The following DIP2C variants were observed in gnomAD, a reference collection of about 807,000 sequenced individuals.
DIP2C encodes the protein DIP2 acetate--CoA ligase C (putative), also known as disco-interacting protein 2 homolog C.
Under a neutral mutation model 192.4 loss-of-function variants are expected in DIP2C, and 33 were observed. The ratio of observed to expected loss-of-function variants is 0.17; its 90% CI spans 0.13 to 0.23. The LOEUF is 0.23. DIP2C is among the 10% of genes least tolerant of loss of function. The pLI is 1.00. For synonymous variants in DIP2C, 979 were observed against 864.1 expected (o/e 1.13, Z -2.33); for missense variants, 1,537 against 2,110.1 (o/e 0.73, Z 5.32).
intron 13 of DIP2C, among the ~76,000 whole-genome samples, chr10:388,243 G>T (rs1963147145): frequency 6.6e-6 from 1 of 152,206 alleles, no homozygotes; most frequent in Non-Finnish European, 1.5e-5. Flanking sequence ...AGTCTCCAAG[G>T]TTGGAGCTGC....
At chr10:337,587 G>T (rs1252711468) in intron 29 of DIP2C, among the ~76,000 whole-genome samples, 1 of 146,514 alleles carries the variant, frequency 6.8e-6, no homozygotes, top group Non-Finnish European at 1.5e-5. Flanking sequence ...GCTGATGTGT[G>T]TGTGTGTGTT....
intron 2 of DIP2C, among the ~76,000 whole-genome samples, chr10:483,822 A>ATTT (rs113550481): frequency 6.8e-6 from 1 of 147,322 alleles, no homozygotes; most frequent in African/African-American, 2.5e-5. Flanking sequence ...CATTTTACCA[A>ATTT]TTTTTTTTTT....
chr10:571,768 T>C (rs1849830056), intron 1 of DIP2C, among the ~76,000 whole-genome samples: 1 of 152,208 alleles, frequency 6.6e-6, no homozygotes, highest in Non-Finnish European at 1.5e-5. Flanking sequence ...GCAGTATGGC[T>C]GTGACCAGGG....
At chr10:660,631 C>T (rs1158282434) in intron 1 of DIP2C, among the ~76,000 whole-genome samples, 1 of 152,198 alleles carries the variant, frequency 6.6e-6, no homozygotes, top group African/African-American at 2.4e-5. Flanking sequence ...TGTGCACCTG[C>T]TTTTCAAGGG....
rs773544186 is a variant in DIP2C, at chr10:399,229, A to G, written c.1150-10T>C. 2 of 1,613,064 alleles carry G rather than the reference A, an allele frequency of 1.2e-6. No homozygotes were observed. The highest frequency in any genetic ancestry group is 2.2e-5 in the South Asian group (2 of 91,060). ...GGAACACCAGTGCCACCTGTGGGAC[A>G]GGCCAGAGCGGGTCAGCATTAACGT... is the stretch of plus-strand genomic sequence containing the variant. On this transcript the variant is annotated splice_polypyrimidine_tract_variant and intron_variant, in intron 9 of 36. Coordinates refer to ENST00000280886, the MANE Select transcript of DIP2C (RefSeq NM_014974.3).
At chr10:409,491 G>C (rs553238647) in intron 8 of DIP2C, among the ~76,000 whole-genome samples, 4 of 152,314 alleles carry the variant, frequency 2.6e-5, no homozygotes, top group African/African-American at 9.6e-5. Context: ...AACAGTCAGA[G>C]CTGCCTGGAC....
At chr10:603,764 G>A (rs1043640101) in intron 1 of DIP2C, among the ~76,000 whole-genome samples, 4 of 152,122 alleles carry the variant, frequency 2.6e-5, no homozygotes, top group Admixed American at 6.5e-5. Flanking sequence ...TACCACACAC[G>A]CAGACCTCCT....
At chr10:473,926 T>TCA in intron 2 of DIP2C, among the ~76,000 whole-genome samples, 1 of 152,188 alleles carries the variant, frequency 6.6e-6, no homozygotes, top group Admixed American at 6.5e-5. Flanking sequence ...GTCTCATGTA[T>TCA]CAGGCTGGCG....
chr10:516,198 A>G (rs778738699), intron 1 of DIP2C, among the ~76,000 whole-genome samples: 74 of 144,622 alleles, frequency 5.1e-4, no homozygotes, highest in Non-Finnish European at 9.3e-4. Context: ...CCGGGCAGGA[A>G]AGATGGAGCT....
chr10:503,692 T>TC (rs1213224583), intron 1 of DIP2C, among the ~76,000 whole-genome samples: 3 of 152,212 alleles, frequency 2.0e-5, no homozygotes, highest in African/African-American at 4.8e-5. Context: ...CTCTTACCCC[T>TC]CTGCTGTGCC....
rs1855870221 is a variant in DIP2C at position 651,173 on chromosome 10, T to C, written c.85+38321A>G. 2 of 717,410 alleles carry C rather than the reference T, an allele frequency of 2.8e-6. No individual in the cohort carries two copies. The highest frequency in any genetic ancestry group is 3.0e-5 in the South Asian group (2 of 67,608). 44.4% of individuals were successfully genotyped at this position (717,410 alleles called of 1,614,324 possible). A position where few individuals can be genotyped will look rare whatever the true frequency, so the allele number is the denominator to read the frequency against. On this transcript the variant is annotated intron_variant, in intron 1 of 36. Transcript: ENST00000280886. The surrounding 1 kb of genome is among the most constrained non-coding windows in gnomAD (Gnocchi z 4.1). ...AGGGGCACCTCCACCTGCCCAGGTC[T>C]GGGACCACCGTCCTCCACGCATATC...
rs182961183 is a variant in DIP2C, at chr10:421,860, T to C, written c.604+964A>G. On this transcript the variant is annotated intron_variant, in intron 5 of 36. Coordinates refer to ENST00000280886, the MANE Select transcript of DIP2C (RefSeq NM_014974.3). ...AGCTCTCCTGCCAGCAAACTCCTGT[T>C]CCAGACAGAAAACGGCCGACGCTTT... Among the ~76,000 whole-genome samples, 26 of 152,270 alleles carry C rather than the reference T, an allele frequency of 1.7e-4. 1 individual carries two copies. The East Asian group carries it at 5.0e-3, about 29-fold the overall frequency.
chr10:514,586 C>G (rs182027324), intron 1 of DIP2C, among the ~76,000 whole-genome samples: 3 of 152,200 alleles, frequency 2.0e-5, no homozygotes, highest in Admixed American at 2.0e-4. Context: ...CCAAGGACCG[C>G]GGGTTCCAGG....
intron 4 of DIP2C, among the ~76,000 whole-genome samples, chr10:437,307 T>C (rs1172751684): frequency 6.8e-6 from 1 of 146,606 alleles, no homozygotes; most frequent in Non-Finnish European, 1.5e-5. Context: ...CACCCACACC[T>C]GAGCTCTGAG....
In DIP2C at chr10:515,011, C is replaced by T. The variant is rs141442392; in HGVS notation, c.86-28481G>A. ...TTACGTCCACGTTCTCATCAGCTCC[C>T]ACCTGGTGAGCAGGCAGATAGTAAT... On this transcript the variant is annotated intron_variant, in intron 1 of 36. Coordinates refer to ENST00000280886, the MANE Select transcript of DIP2C (RefSeq NM_014974.3). Among the ~76,000 whole-genome samples, 40 of 152,312 alleles carry T rather than the reference C, an allele frequency of 2.6e-4. 1 individual carries two copies. The East Asian group carries it at 6.4e-3, about 24-fold the overall frequency.
chr10:667,625 C>G (rs1857175596), intron 1 of DIP2C: 1 of 152,194 alleles, frequency 6.6e-6, no homozygotes, highest in Non-Finnish European at 1.5e-5. Context: ...GCATTTATAA[C>G]ACACTCATAC....
chr10:519,073 AC>A (rs775029103), intron 1 of DIP2C, among the ~76,000 whole-genome samples: 1 of 151,700 alleles, frequency 6.6e-6, no homozygotes, highest in Non-Finnish European at 1.5e-5. Context: ...TCAACATCCA[AC>A]CCCCACCTGC....
chr10:497,538 G>A lies in DIP2C; in HGVS notation c.86-11008C>T, dbSNP rs186081831. 1.7e-3 allele frequency among the ~76,000 whole-genome samples: 264 copies of A among 152,288 alleles called. 1 individual carries two copies. The highest frequency in any genetic ancestry group is 3.3e-3 in the Non-Finnish European group (226 of 68,038). ...GTCCTTCACTTGCGAACTGTTTGCTGCGGCAACGAGCTCAAGACCTTGTCT... is the reference window on the plus strand; with the variant it reads ...GTCCTTCACTTGCGAACTGTTTGCTACGGCAACGAGCTCAAGACCTTGTCT... On this transcript the variant is annotated intron_variant, in intron 1 of 36. Transcript: ENST00000280886.
At chr10:388,518 T>C (rs537423249) in intron 13 of DIP2C, among the ~76,000 whole-genome samples, 1 of 152,246 alleles carries the variant, frequency 6.6e-6, no homozygotes, top group South Asian at 2.1e-4. Flanking sequence ...TCACAATAAA[T>C]GGCCAAAAGT....
Sources: allele counts gnomAD v4.1 joint callset (sites outside exome capture counted in the v4.1 genomes callset), GRCh38; gene constraint gnomAD v4.1.1; non-coding constraint Gnocchi (gnomAD v3.1); transcripts MANE v1.5; gene names NCBI Gene and HGNC (gene_info 2026-07-23, HGNC 2026-07-21).